Variants in RPRD2 observed in about 807,000 individuals in gnomAD.
RPRD2 encodes the protein regulation of nuclear pre-mRNA domain containing 2.
A neutral mutation model predicts 104.4 loss-of-function variants in RPRD2; 12 were observed. The observed-to-expected ratio is 0.11, with a 90% CI of 0.07 to 0.19. The LOEUF (loss-of-function observed/expected upper bound fraction) is 0.19. RPRD2 is among the 10% of genes least tolerant of loss of function. The pLI is 1.00. For missense variants in RPRD2, 1,543 were observed against 1,790.1 expected, an observed-to-expected ratio of 0.86 and a Z score of 2.49; for synonymous variants, 714 against 684.9, an observed-to-expected ratio of 1.04 and a Z score of -0.66.
Position 150,472,192 on chromosome 1 carries a change from G to A in RPRD2, c.3244G>A (p.Gly1082Arg), listed in dbSNP as rs887368357. 1.2e-6 allele frequency: 2 copies of A among 1,613,920 alleles called. No individual in the cohort carries two copies. The highest frequency in any genetic ancestry group is 1.7e-6 in the Non-Finnish European group (2 of 1,179,888). The change falls in exon 11 of 11, where the codon GGG (glycine) becomes AGG (arginine). Residue 1082 changes from glycine to arginine, a missense_variant. Physicochemically the swap from Gly to Arg is moderately radical, Grantham distance 125. Transcript: ENST00000369068. ...LDLPDSTEEK[G>R]APIETLGYHS... The stretch of plus-strand genomic sequence containing the variant: ...CTTGCCTGATAGCACAGAAGAAAAG[G>A]GGGCCCCTATAGAAACCTTGGGTTA...
chr1:150,369,881 A>G (rs1553877992), intron 1 of RPRD2, among the ~76,000 whole-genome samples: 5 of 151,946 alleles, frequency 3.3e-5, no homozygotes, highest in Non-Finnish European at 7.4e-5. Flanking sequence ...CCCGGGCTCA[A>G]GTGATTTTCA....
At chr1:150,388,497 G>GCA (rs143626934) in intron 1 of RPRD2, among the ~76,000 whole-genome samples, 1,120 of 90,196 alleles carry the variant, frequency 0.012, 10 homozygotes, top group African/African-American at 0.022. Context: ...ATATACCCGC[G>GCA]CACACACACA....
chr1:150,429,624 G>A (rs1665416659), intron 2 of RPRD2, among the ~76,000 whole-genome samples: 1 of 151,940 alleles, frequency 6.6e-6, no homozygotes, highest in Non-Finnish European at 1.5e-5. Flanking sequence ...CAAACTACGA[G>A]GCCTTTCTCA....
Position 150,472,593 on chromosome 1 carries a change from C to T in RPRD2, c.3645C>T (p.Ala1215=), listed in dbSNP as rs753001448. 12 of 1,613,950 alleles carry T rather than the reference C, an allele frequency of 7.4e-6. No individual in the cohort carries two copies. The highest frequency in any genetic ancestry group is 2.2e-5 in the East Asian group (1 of 44,878). ...GAGAGCCAGTGGGGCCATCATCTGC[C>T]CCACCTGTCCCTCCTAAGGATCATG... ...FQREPVGPSS[A]PPVPPKDHGG... Residue 1215 remains alanine, a synonymous_variant, in exon 11 of 11, where the codon GCC becomes GCT. Coordinates refer to ENST00000369068, the MANE Select transcript of RPRD2 (RefSeq NM_015203.5).
In RPRD2 at chr1:150,475,849, A is replaced by G. The variant is rs956634687; in HGVS notation, c.*2515A>G. On this transcript the variant is annotated 3_prime_UTR_variant, in exon 11 of 11. Coordinates refer to ENST00000369068, the MANE Select transcript of RPRD2 (RefSeq NM_015203.5). ...GCTCTGACTTTTGTATTTCAACCTG[A>G]GTTTAAACAAATAAACAAGATATTT... is the stretch of plus-strand genomic sequence containing the variant. 3.3e-5 allele frequency: 5 copies of G among 152,130 alleles called. 1 individual carries two copies. Among genetic ancestry groups the G allele is most frequent in the African/African-American group, 1.2e-4 (5 of 41,404 alleles). The allele number at this position is 152,130 out of a possible 1,614,324, so 9.4% of individuals were successfully genotyped here. A position where few individuals can be genotyped will look rare whatever the true frequency, so the allele number is the denominator to read the frequency against.
At position 150,472,770 on chromosome 1, in the gene RPRD2, C is replaced by A; in HGVS notation, c.3822C>A (p.Pro1274=). 6.2e-7 allele frequency: 1 copy of A among 1,610,960 alleles called. No individual in the cohort carries two copies. The highest frequency in any genetic ancestry group is 8.5e-7 in the Non-Finnish European group (1 of 1,177,182). Residue 1274 remains proline (P), a synonymous_variant, in exon 11 of 11, where the codon CCC becomes CCA. Coordinates refer to ENST00000369068, the MANE Select transcript of RPRD2 (RefSeq NM_015203.5). ...CTTTCCCTACCCCACCTCCTCCTCC[C>A]CCTCCTGGGGAACATAGCAGCAGTG... ...GIPFPTPPPP[P]PPGEHSSSGG...
chr1:150,369,323 G>A (rs1660089448), intron 1 of RPRD2, among the ~76,000 whole-genome samples: 1 of 151,868 alleles, frequency 6.6e-6, no homozygotes, highest in African/African-American at 2.4e-5. Flanking sequence ...TGGCTCTGTT[G>A]CCCAGGCTGG....
At chr1:150,430,127 C>T (rs1255562700) in intron 2 of RPRD2, among the ~76,000 whole-genome samples, 1 of 152,124 alleles carries the variant, frequency 6.6e-6, no homozygotes, top group Non-Finnish European at 1.5e-5. Context: ...AAACAGACCA[C>T]CACAATTGAC....
At chr1:150,430,542 TAC>T (rs1553891432) in intron 2 of RPRD2, among the ~76,000 whole-genome samples, 1 of 152,144 alleles carries the variant, frequency 6.6e-6, no homozygotes, top group Non-Finnish European at 1.5e-5. Flanking sequence ...GGTGTGTACT[TAC>T]AGTCCCAGCT....
chr1:150,422,406 A>G (rs922992572), intron 2 of RPRD2, among the ~76,000 whole-genome samples: 7 of 148,774 alleles, frequency 4.7e-5, no homozygotes. Context: ...TCTTATTCAC[A>G]ATACTACTAT....
intron 8 of RPRD2, among the ~76,000 whole-genome samples, chr1:150,459,448 A>C (rs191441295): frequency 6.6e-6 from 1 of 152,314 alleles, no homozygotes; most frequent in African/African-American, 2.4e-5. Flanking sequence ...ATTTATGAAA[A>C]ATATCATTTC....
intron 1 of RPRD2, among the ~76,000 whole-genome samples, chr1:150,370,985 C>G (rs1403976114): frequency 2.0e-5 from 3 of 152,128 alleles, no homozygotes; most frequent in African/African-American, 4.8e-5. Flanking sequence ...CTTTTTTCAC[C>G]TATCTCCTTC....
chr1:150,417,669 A>T lies in RPRD2; in HGVS notation c.279A>T (p.Ala93=). The part of the protein sequence containing the change: ...DVIQNCKRKN[A]IIFRESFADV... ...TACAGAACTGTAAAAGGAAAAATGCAATCATATTCCGTGAATCATTTGCTG... is the reference window on the plus strand; with the variant it reads ...TACAGAACTGTAAAAGGAAAAATGCTATCATATTCCGTGAATCATTTGCTG... The change falls in exon 2 of 11, where the codon GCA becomes GCT. Residue 93 remains alanine (A), a synonymous_variant. Coordinates refer to ENST00000369068, the MANE Select transcript of RPRD2 (RefSeq NM_015203.5). The T allele has an allele frequency of 6.2e-7, 1 of 1,609,150 alleles. No homozygotes were observed. The highest frequency in any genetic ancestry group is 1.3e-5 in the African/African-American group (1 of 75,004).
chr1:150,449,489 T>C (rs73019018), intron 7 of RPRD2, among the ~76,000 whole-genome samples: 7,261 of 152,104 alleles, frequency 0.048, 433 homozygotes, highest in African/African-American at 0.13. Context: ...AATTTTTAGA[T>C]TTCTATTTTG....
chr1:150,444,554 C>G (rs1375081428), intron 6 of RPRD2, among the ~76,000 whole-genome samples, 177 bp downstream of exon 6: 1 of 152,040 alleles, frequency 6.6e-6, no homozygotes, highest in African/African-American at 2.4e-5. Context: ...TTCTGTTGTT[C>G]TCATTTCTAG....
intron 7 of RPRD2, among the ~76,000 whole-genome samples, chr1:150,447,902 T>C (rs1221231530): frequency 6.6e-6 from 1 of 152,220 alleles, no homozygotes; most frequent in Non-Finnish European, 1.5e-5. Flanking sequence ...TGATTTATCC[T>C]ATTTTAGAAA....
chr1:150,369,937 C>T (rs938391305), intron 1 of RPRD2, among the ~76,000 whole-genome samples: 3 of 151,918 alleles, frequency 2.0e-5, no homozygotes, highest in East Asian at 3.9e-4. Flanking sequence ...CATGCCACCA[C>T]GCCCAACTAA....
At position 150,470,767 on chromosome 1, in the gene RPRD2, A is replaced by G; in HGVS notation, c.1819A>G (p.Ser607Gly). ...STSEVSSTSA[S>G]KASIGQSPGL... ...TTCTGAAGTCTCTTCAACTTCAGCCAGCAAGGCCTCAATTGGGCAAAGCCC... is the reference window on the plus strand; with the variant it reads ...TTCTGAAGTCTCTTCAACTTCAGCCGGCAAGGCCTCAATTGGGCAAAGCCC... The change falls in exon 11 of 11, where the codon AGC (serine) becomes GGC (glycine). Residue 607 changes from serine (S) to glycine (G), a missense_variant. Coordinates refer to ENST00000369068, the MANE Select transcript of RPRD2 (RefSeq NM_015203.5). The G allele has an allele frequency of 6.2e-7, 1 of 1,614,080 alleles. No individual in the cohort carries two copies. Among genetic ancestry groups the G allele is most frequent in the Non-Finnish European group, 8.5e-7 (1 of 1,179,906 alleles).
At chr1:150,400,393 T>C (rs587670422) in intron 1 of RPRD2, among the ~76,000 whole-genome samples, 1 of 152,338 alleles carries the variant, frequency 6.6e-6, no homozygotes, top group East Asian at 1.9e-4. Flanking sequence ...ACTTCTAGGA[T>C]GATGGTGGCA....
Sources: gnomAD v4.1 joint callset for allele counts (sites outside exome capture counted in the v4.1 genomes callset) on GRCh38, gnomAD v4.1.1 for gene constraint, MANE v1.5 for transcripts, NCBI Gene and HGNC (gene_info 2026-07-23, HGNC 2026-07-21) for gene names.